The following NPFFR2 variants were observed in gnomAD, a reference collection of about 807,000 sequenced individuals.
NPFFR2 encodes G-protein coupled receptor 74.
In NPFFR2, 15 loss-of-function variants were observed where a neutral mutation model predicts 13.1. The observed-to-expected ratio is 1.15, with a 90% CI of 0.77 to 1.76. The LOEUF (loss-of-function observed/expected upper bound fraction) is 1.76. Among genes scored for constraint, NPFFR2 ranks in the 40% most tolerant of loss-of-function variants. NPFFR2 has a pLI of 0.00. For synonymous variants in NPFFR2, 190 were observed against 175.7 expected (o/e 1.08, Z -0.65); for missense variants, 572 against 503.5 (o/e 1.14, Z -1.30).
At chr4:72,058,456 A>G (rs1014687848) in intron 1 of NPFFR2, among the ~76,000 whole-genome samples, 2 of 152,090 alleles carry the variant, frequency 1.3e-5, no homozygotes, top group East Asian at 1.9e-4. Context: ...CTGGTTCCCA[A>G]AATTCATTGT....
At chr4:72,085,576 C>G (rs1720744330) in intron 1 of NPFFR2, among the ~76,000 whole-genome samples, 1 of 152,084 alleles carries the variant, frequency 6.6e-6, no homozygotes, top group African/African-American at 2.4e-5. Context: ...GCATAATTGC[C>G]TAGGCAAATG....
At chr4:72,080,834 G>A (rs531888984) in intron 1 of NPFFR2, among the ~76,000 whole-genome samples, 14 of 146,892 alleles carry the variant, frequency 9.5e-5, no homozygotes, top group African/African-American at 1.4e-4. Context: ...CTACAGAGGC[G>A]CTCGGCTTTT....
At chr4:72,124,451 C>G (rs1359604875) in intron 1 of NPFFR2, among the ~76,000 whole-genome samples, 9 of 151,982 alleles carry the variant, frequency 5.9e-5, no homozygotes, top group Non-Finnish European at 1.0e-4. Flanking sequence ...CAATTCTAAG[C>G]AAAAAGAACA....
intron 1 of NPFFR2, among the ~76,000 whole-genome samples, chr4:72,056,618 A>C (rs1035540724): frequency 6.6e-6 from 1 of 151,986 alleles, no homozygotes; most frequent in Non-Finnish European, 1.5e-5. Flanking sequence ...GCTTCTTCTG[A>C]TGGACATGGG....
At chr4:72,074,009 GGTTTCAC>G (rs1560402729) in intron 1 of NPFFR2, among the ~76,000 whole-genome samples, 1 of 7,984 alleles carries the variant, frequency 1.3e-4, no homozygotes, top group Non-Finnish European at 4.6e-4. Flanking sequence ...ACTTTCCATG[GGTTTCAC>G]TTTCCAGGGT....
intron 1 of NPFFR2, among the ~76,000 whole-genome samples, chr4:72,123,939 A>C (rs889994326): frequency 6.6e-6 from 1 of 152,202 alleles, no homozygotes; most frequent in Admixed American, 6.5e-5. Flanking sequence ...GAAAGCAATA[A>C]GGTGTATTCA....
chr4:72,096,365 T>C lies in NPFFR2; in HGVS notation c.-7-32220T>C, dbSNP rs539490428. On this transcript the variant is annotated intron_variant, in intron 1 of 3. Transcript: ENST00000308744. ...TTATTAGGGTAACAATAATCAACAC[T>C]GTATTTATAACATGCATTCATGATC... is the stretch of plus-strand genomic sequence containing the variant. 4.6e-5 allele frequency among the ~76,000 whole-genome samples: 7 copies of C among 152,332 alleles called. No individual in the cohort carries two copies. In the South Asian group the frequency reaches 1.2e-3, roughly 27 times the overall value.
chr4:72,067,572 A>AT (rs1208001586), intron 1 of NPFFR2, among the ~76,000 whole-genome samples: 1 of 152,018 alleles, frequency 6.6e-6, no homozygotes, highest in Non-Finnish European at 1.5e-5. Context: ...CAGGCTGAGC[A>AT]TTTTTTCAAA....
chr4:72,135,271 G>A (rs1251930083), intron 2 of NPFFR2, among the ~76,000 whole-genome samples: 1 of 151,778 alleles, frequency 6.6e-6, no homozygotes, highest in Admixed American at 6.6e-5. Flanking sequence ...TGTATTTATT[G>A]TGCTGGATAT....
intron 1 of NPFFR2, among the ~76,000 whole-genome samples, chr4:72,047,729 A>T (rs970612006): frequency 9.2e-5 from 14 of 152,184 alleles, no homozygotes; most frequent in African/African-American, 3.4e-4. Flanking sequence ...AATGAATAAA[A>T]ATTATAGAAA....
At chr4:72,077,110 TTTTG>T (rs1481763081) in intron 1 of NPFFR2, among the ~76,000 whole-genome samples, 2 of 152,150 alleles carry the variant, frequency 1.3e-5, no homozygotes, top group Non-Finnish European at 2.9e-5. Context: ...TTAAAAAATC[TTTTG>T]TTTATGTTCA....
intron 1 of NPFFR2, among the ~76,000 whole-genome samples, chr4:72,107,414 C>G (rs954495758): frequency 2.0e-5 from 3 of 151,438 alleles, no homozygotes; most frequent in African/African-American, 4.9e-5. Context: ...CCTTCACAAT[C>G]CTGGGAGATC....
At chr4:72,115,963 CTG>C (rs1457698617) in intron 1 of NPFFR2, among the ~76,000 whole-genome samples, 1 of 152,088 alleles carries the variant, frequency 6.6e-6, no homozygotes, top group Non-Finnish European at 1.5e-5. Flanking sequence ...GGCAATGAAA[CTG>C]TAGTATTCTA....
intron 1 of NPFFR2, among the ~76,000 whole-genome samples, chr4:72,110,946 C>A (rs946039073): frequency 1.3e-5 from 2 of 150,986 alleles, no homozygotes; most frequent in Non-Finnish European, 2.9e-5. Context: ...TTGAAGAAAA[C>A]AAAAACAAAA....
chr4:72,056,209 G>A (rs1719740069), intron 1 of NPFFR2, among the ~76,000 whole-genome samples: 1 of 151,966 alleles, frequency 6.6e-6, no homozygotes, highest in South Asian at 2.1e-4. Flanking sequence ...GCCTGATAAG[G>A]CAGCTGGTGA....
intron 1 of NPFFR2, among the ~76,000 whole-genome samples, chr4:72,066,604 A>T (rs1560400140): frequency 6.6e-6 from 1 of 152,072 alleles, no homozygotes; most frequent in Non-Finnish European, 1.5e-5. Flanking sequence ...CTTCCAAAAT[A>T]GGTGGTGGGA....
At position 72,147,234 on chromosome 4, in the gene NPFFR2, C is replaced by G; in HGVS notation, c.685C>G (p.Leu229Val). 6.2e-7 allele frequency: 1 copy of G among 1,614,158 alleles called. No homozygotes were observed. Among genetic ancestry groups the G allele is most frequent in the Non-Finnish European group, 8.5e-7 (1 of 1,180,026 alleles). Reference protein sequence around the residue: ...YTTVLFANIYLAPLSLIVIMY... With the variant: ...YTTVLFANIYVAPLSLIVIMY... ...CACTGTGCTGTTTGCCAACATCTAC[C>G]TGGCTCCCCTCTCCCTCATTGTCAT... The change falls in exon 4 of 4, where the codon CTG (leucine) becomes GTG (valine). Residue 229 changes from leucine (L) to valine (V), a missense_variant. Coordinates refer to ENST00000308744, the MANE Select transcript of NPFFR2 (RefSeq NM_004885.3).
chr4:72,056,299 A>G (rs4359864), intron 1 of NPFFR2, among the ~76,000 whole-genome samples: 135,491 of 151,972 alleles, frequency 0.89, 61,505 homozygotes, highest in Non-Finnish European at 0.98. Flanking sequence ...TACTCTGTCC[A>G]TGCTCTATAA....
intron 1 of NPFFR2, among the ~76,000 whole-genome samples, chr4:72,050,659 A>T (rs1213010517): frequency 2.0e-5 from 3 of 151,964 alleles, no homozygotes; most frequent in Admixed American, 6.6e-5. Flanking sequence ...CATGTGCACA[A>T]TGTGCAGGTT....
Sources: gnomAD v4.1 joint callset for allele counts (sites outside exome capture counted in the v4.1 genomes callset) on GRCh38, gnomAD v4.1.1 for gene constraint, MANE v1.5 for transcripts, NCBI Gene and HGNC (gene_info 2026-07-23, HGNC 2026-07-21) for gene names.